The following NPHS1 variants were observed in gnomAD, a reference collection of about 807,000 sequenced individuals.
The protein encoded by NPHS1 is nephrin.
A neutral mutation model predicts 139.7 loss-of-function variants in NPHS1; 107 were observed. That is an observed-to-expected ratio of 0.77 (90% CI 0.66 to 0.90). The LOEUF (loss-of-function observed/expected upper bound fraction) is 0.90, where lower values mean the gene tolerates loss of function less well. NPHS1 is among the 40% of genes least tolerant of loss of function. The probability of loss-of-function intolerance (pLI) is 0.00; values close to 1 mark genes in which losing one functional copy is unlikely to be tolerated. For missense variants in NPHS1, 1,580 were observed against 1,654.2 expected (o/e 0.96, Z 0.78); for synonymous variants, 707 against 706.6 (o/e 1.00, Z -0.01).
Position 35,831,289 on chromosome 19 carries a change from C to G in NPHS1, c.3387+7G>C. ...ATTGTGGGGTCACCAGGGCCACCCCCACTTACCGTGGAGCTCTGAGTGTCC... is the reference window on the plus strand; with the variant it reads ...ATTGTGGGGTCACCAGGGCCACCCCGACTTACCGTGGAGCTCTGAGTGTCC... On this transcript the variant is annotated splice_region_variant and intron_variant, in intron 26 of 28. Coordinates refer to ENST00000378910, the MANE Select transcript of NPHS1 (RefSeq NM_004646.4). 1 of 1,614,024 alleles carries G rather than the reference C, an allele frequency of 6.2e-7. No homozygotes were observed.
At chr19:35,844,912 T>A (rs1973113869) in intron 14 of NPHS1, among the ~76,000 whole-genome samples, 1 of 151,400 alleles carries the variant, frequency 6.6e-6, no homozygotes. Flanking sequence ...ATCACTTGAG[T>A]CAAGGTGTTC....
intron 11 of NPHS1, 52 bp downstream of exon 11, chr19:35,847,989 G>C (rs1973167929): frequency 6.3e-7 from 1 of 1,595,032 alleles, no homozygotes. Flanking sequence ...GAAGGGGCCT[G>C]GTCCTTCCCC....
At position 35,848,371 on chromosome 19, in the gene NPHS1, C is replaced by T. The variant is rs543942826; in HGVS notation, c.1197G>A (p.Met399Ile). 1 of 1,614,152 alleles carries T rather than the reference C, an allele frequency of 6.2e-7. No homozygotes were observed. The highest frequency in any genetic ancestry group is 1.7e-5 in the Admixed American group (1 of 60,018). ...MDGLHGGHIS[M>I]SNLTFLARRE... Reference sequence around the variant, plus strand: ...GCCGCGCCAGGAATGTCAGGTTGGACATGGAGATGTGACCGCCATGCAGTC... The same window carrying T: ...GCCGCGCCAGGAATGTCAGGTTGGATATGGAGATGTGACCGCCATGCAGTC... Residue 399 changes from methionine (M) to isoleucine (I), a missense_variant, in exon 10 of 29, where the codon ATG (methionine) becomes ATA (isoleucine). By Grantham distance (10) the Met-to-Ile change is conservative. Transcript: ENST00000378910.
chr19:35,833,205 C>T (rs1297533226), intron 23 of NPHS1, among the ~76,000 whole-genome samples: 1 of 152,056 alleles, frequency 6.6e-6, no homozygotes, highest in African/African-American at 2.4e-5. Flanking sequence ...CAAATGACTT[C>T]TTTCCACCAA....
chr19:35,826,865 G>A (rs1018557061), intron 28 of NPHS1, among the ~76,000 whole-genome samples: 5 of 152,216 alleles, frequency 3.3e-5, no homozygotes, highest in African/African-American at 1.2e-4. Flanking sequence ...GCTGGGCACG[G>A]TAGCTCATGC....
chr19:35,845,923 C>T lies in NPHS1; in HGVS notation c.1627+85G>A, dbSNP rs555300620. 4.1e-5 allele frequency: 63 copies of T among 1,526,286 alleles called. No individual in the cohort carries two copies. The Middle Eastern group carries it at 6.6e-4, about 16-fold the overall frequency. 94.5% of individuals were successfully genotyped at this position (1,526,286 alleles called of 1,614,324 possible). A position where few individuals can be genotyped will look rare whatever the true frequency, so the allele number is the denominator to read the frequency against. ...CCACCCCGCCTCCGCCCGCTTTCCC[C>T]GGGTCCAGGGTTCGCTGGGTCCCTG... On this transcript the variant is annotated intron_variant, in intron 12 of 28. Coordinates refer to ENST00000378910, the MANE Select transcript of NPHS1 (RefSeq NM_004646.4). The surrounding 1 kb of genome is among the most constrained non-coding windows in gnomAD (Gnocchi z 5.5).
In NPHS1 at chr19:35,848,132, G is replaced by A; in HGVS notation, c.1349C>T (p.Pro450Leu). The change falls in exon 11 of 29, where the codon CCA becomes CTA. Residue 450 changes from proline (P) to leucine (L), a missense_variant. Physicochemically the swap from Pro to Leu is moderately conservative, Grantham distance 98 (BLOSUM62 -3). Transcript: ENST00000378910. ...CCCAGCCCGGAGCTTCTGGCCCTCT[G>A]GGGGACCCTCAATCCACAGTTTCTG... ...PAQKLWIEGP[P>L]EGQKLRAGTR... 2 of 1,613,966 alleles carry A rather than the reference G, an allele frequency of 1.2e-6. No individual in the cohort carries two copies. The highest frequency in any genetic ancestry group is 4.5e-5 in the East Asian group (2 of 44,882).
In NPHS1 at chr19:35,825,561, A is replaced by G. The variant is rs938906859; in HGVS notation, c.*953T>C. 6.6e-6 allele frequency among the ~76,000 whole-genome samples: 1 copy of G among 152,116 alleles called. No individual in the cohort carries two copies. Among genetic ancestry groups the G allele is most frequent in the Admixed American group, 6.6e-5 (1 of 15,262 alleles). ...CCTTTTTGCAGTCAACCCTCCTCTC[A>G]TGGCCCCAGGAAACCTCTGCTGTGC... On this transcript the variant is annotated 3_prime_UTR_variant, in exon 29 of 29. Transcript: ENST00000378910.
At position 35,851,245 on chromosome 19, in the gene NPHS1, G is replaced by T; in HGVS notation, c.397+17C>A. 2 of 1,613,920 alleles carry T rather than the reference G, an allele frequency of 1.2e-6. No individual in the cohort carries two copies. Among genetic ancestry groups the T allele is most frequent in the South Asian group, 1.1e-5 (1 of 91,088 alleles). On this transcript the variant is annotated intron_variant, in intron 3 of 28. Coordinates refer to ENST00000378910, the MANE Select transcript of NPHS1 (RefSeq NM_004646.4). Reference sequence around the variant, plus strand: ...TGAAGCCCAGACTCATGGGTCCTGGGCGTCTCTCACCCATACCCAGGATGG... The same window carrying T: ...TGAAGCCCAGACTCATGGGTCCTGGTCGTCTCTCACCCATACCCAGGATGG...
intron 28 of NPHS1, among the ~76,000 whole-genome samples, chr19:35,828,343 G>A (rs1246944499): frequency 6.6e-6 from 1 of 151,954 alleles, no homozygotes; most frequent in Admixed American, 6.6e-5. Context: ...TTGGCTCACT[G>A]CAACCTCCGC....
At chr19:35,843,338 T>C in intron 17 of NPHS1, 134 bp downstream of exon 17, 2 of 1,158,264 alleles carry the variant, frequency 1.7e-6, no homozygotes, top group South Asian at 2.6e-5. Flanking sequence ...TTATTCATTC[T>C]GGGAGCATGC....
At chr19:35,850,532 T>G in intron 4 of NPHS1, 87 bp from the exon 5 acceptor site, 2 of 1,118,116 alleles carry the variant, frequency 1.8e-6, no homozygotes, top group Non-Finnish European at 2.7e-6. Context: ...TCAGGGTGGG[T>G]GCGATGCCCC....
At chr19:35,832,040 C>T (rs191572591) in intron 23 of NPHS1, among the ~76,000 whole-genome samples, 54 of 152,332 alleles carry the variant, frequency 3.5e-4, no homozygotes, top group African/African-American at 1.2e-3. Context: ...TAGCTGGGCA[C>T]TGAAGACTTT....
At chr19:35,844,038 G>T in intron 16 of NPHS1, 65 bp downstream of exon 16, 1 of 1,580,874 alleles carries the variant, frequency 6.3e-7, no homozygotes, top group Non-Finnish European at 8.6e-7. Flanking sequence ...CTCCCACAAT[G>T]AGGAGACTCC....
intron 17 of NPHS1, among the ~76,000 whole-genome samples, chr19:35,842,965 A>G (rs772615151): frequency 6.6e-6 from 1 of 152,020 alleles, no homozygotes; most frequent in African/African-American, 2.4e-5. Flanking sequence ...ACGCTTGCAC[A>G]CCCATAAATA....
At chr19:35,842,939 A>G (rs1252859418) in intron 17 of NPHS1, among the ~76,000 whole-genome samples, 1 of 151,556 alleles carries the variant, frequency 6.6e-6, no homozygotes, top group East Asian at 1.9e-4. Context: ...CCACCCATTC[A>G]CTCAACTATT....
intron 22 of NPHS1, among the ~76,000 whole-genome samples, chr19:35,838,132 T>C (rs1973000045): frequency 6.6e-6 from 1 of 151,188 alleles, no homozygotes; most frequent in African/African-American, 2.4e-5. Flanking sequence ...TAATCCCAGC[T>C]ACTTGGGAGG....
chr19:35,851,907 G>A lies in NPHS1; in HGVS notation c.-70C>T, dbSNP rs1258947180. On this transcript the variant is annotated 5_prime_UTR_variant, in exon 1 of 29. Transcript: ENST00000378910. ...ACCTGCGTCTGTCTGGCTTTCTCTG[G>A]GTCCCTCTCTGTGTGTCTCTGCCAC... is the stretch of plus-strand genomic sequence containing the variant. The A allele has an allele frequency of 1.5e-6, 2 of 1,376,792 alleles. No individual in the cohort carries two copies. The highest frequency in any genetic ancestry group is 3.9e-5 in the Admixed American group (2 of 50,696). The allele number at this position is 1,376,792 out of a possible 1,614,324, so 85.3% of individuals were successfully genotyped here.
rs1286622801 is a variant in NPHS1, at chr19:35,842,236, C to T, written c.2551G>A (p.Ala851Thr). Reference protein sequence around the residue: ...EHPTPLTKVAAAGDSTSSATL... With the variant: ...EHPTPLTKVATAGDSTSSATL... ...GCAGAACTGGTGCTGTCTCCAGCTG[C>T]AGCCACCTTAGTTAGGGGAGTGGGG... is the stretch of plus-strand genomic sequence containing the variant. Residue 851 changes from alanine to threonine, a missense_variant, in exon 19 of 29, where the codon GCA becomes ACA. By Grantham distance (58) the Ala-to-Thr change is moderately conservative. Coordinates refer to ENST00000378910, the MANE Select transcript of NPHS1 (RefSeq NM_004646.4). The T allele has an allele frequency of 6.2e-7, 1 of 1,613,420 alleles. No individual in the cohort carries two copies.
Sources: allele counts gnomAD v4.1 joint callset (sites outside exome capture counted in the v4.1 genomes callset), GRCh38; gene constraint gnomAD v4.1.1; non-coding constraint Gnocchi (gnomAD v3.1); transcripts MANE v1.5; gene names NCBI Gene and HGNC (gene_info 2026-07-23, HGNC 2026-07-21).